The following KIAA0825 variants were observed in gnomAD, a reference collection of about 807,000 sequenced individuals.
KIAA0825 encodes the protein uncharacterized protein KIAA0825.
KIAA0825 carries 119 observed loss-of-function variants against 147.6 expected under a neutral mutation model. The observed-to-expected ratio is 0.81, with a 90% CI of 0.69 to 0.94. The LOEUF is 0.94. KIAA0825 is among the 40% of genes least tolerant of loss of function. The pLI is 0.00. For synonymous variants in KIAA0825, 470 were observed against 518.1 expected, an observed-to-expected ratio of 0.91 and a Z score of 1.26; for missense variants, 1,381 against 1,472.7, an observed-to-expected ratio of 0.94 and a Z score of 1.02.
At chr5:94,237,830 T>C (rs1340269048) in intron 20 of KIAA0825, among the ~76,000 whole-genome samples, 1 of 152,176 alleles carries the variant, frequency 6.6e-6, no homozygotes, top group Admixed American at 6.6e-5. Flanking sequence ...CAAAAGTGAA[T>C]GTCCTAAGTA....
intron 20 of KIAA0825, among the ~76,000 whole-genome samples, chr5:94,190,066 T>A (rs1205886648): frequency 6.6e-6 from 1 of 152,228 alleles, no homozygotes; most frequent in African/African-American, 2.4e-5. Flanking sequence ...AGTTTAAAAA[T>A]TTTTATTATT....
intron 20 of KIAA0825, among the ~76,000 whole-genome samples, chr5:94,210,661 C>G (rs1345295935): frequency 6.6e-6 from 1 of 152,120 alleles, no homozygotes; most frequent in Non-Finnish European, 1.5e-5. Flanking sequence ...TAAAAATGAG[C>G]TTGCTTTAAA....
At chr5:94,239,009 T>C (rs1400325542) in intron 20 of KIAA0825, among the ~76,000 whole-genome samples, 1 of 152,232 alleles carries the variant, frequency 6.6e-6, no homozygotes, top group Non-Finnish European at 1.5e-5. Context: ...CTTTGTCATC[T>C]AAGTTCTGAA....
chr5:94,443,336 T>G (rs932955458), intron 13 of KIAA0825, among the ~76,000 whole-genome samples: 2 of 145,430 alleles, frequency 1.4e-5, no homozygotes, highest in African/African-American at 5.0e-5. Flanking sequence ...AAGGGAAATT[T>G]TATATATATA....
At position 94,403,751 on chromosome 5, in the gene KIAA0825, A is replaced by G. The variant is rs1751688848; in HGVS notation, c.2705T>C (p.Leu902Ser). ...GATGGCATCGGTCAGTGCCAGTCTCAAGCATCGGATGACCTCTAGCTCGTA... is the reference window on the plus strand; with the variant it reads ...GATGGCATCGGTCAGTGCCAGTCTCGAGCATCGGATGACCTCTAGCTCGTA... ...VEYELEVIRCLRLALTDAIKD... is the reference protein window; with the variant it reads ...VEYELEVIRCSRLALTDAIKD... The change falls in exon 16 of 21, where the codon TTG (leucine) becomes TCG (serine). Residue 902 changes from leucine to serine, a missense_variant. Transcript: ENST00000682413. 6.4e-7 allele frequency: 1 copy of G among 1,551,436 alleles called. No individual in the cohort carries two copies. Among genetic ancestry groups the G allele is most frequent in the African/African-American group, 1.4e-5 (1 of 73,040 alleles).
chr5:94,221,855 C>G (rs148617235), intron 20 of KIAA0825, among the ~76,000 whole-genome samples: 48 of 152,272 alleles, frequency 3.2e-4, no homozygotes, highest in African/African-American at 1.1e-3. Context: ...TCTATTTTCT[C>G]TCTCAGTAAG....
At chr5:94,317,353 A>G (rs940844806) in intron 20 of KIAA0825, among the ~76,000 whole-genome samples, 1 of 151,920 alleles carries the variant, frequency 6.6e-6, no homozygotes, top group Admixed American at 6.6e-5. Flanking sequence ...TTGAAAATAC[A>G]AAGCATGAAG....
At chr5:94,282,531 C>A (rs1344883299) in intron 20 of KIAA0825, among the ~76,000 whole-genome samples, 1 of 152,000 alleles carries the variant, frequency 6.6e-6, no homozygotes, top group African/African-American at 2.4e-5. Flanking sequence ...AGTAAGGTAT[C>A]ACCACAAATA....
At chr5:94,224,860 CT>C (rs1427652167) in intron 20 of KIAA0825, among the ~76,000 whole-genome samples, 1 of 152,128 alleles carries the variant, frequency 6.6e-6, no homozygotes, top group Non-Finnish European at 1.5e-5. Flanking sequence ...CAAAAAGCAG[CT>C]TCTTTCTTCT....
At chr5:94,347,515 G>A (rs1476837029) in intron 20 of KIAA0825, among the ~76,000 whole-genome samples, 4 of 152,198 alleles carry the variant, frequency 2.6e-5, no homozygotes, top group Admixed American at 2.6e-4. Flanking sequence ...TTGGTGCTGG[G>A]AAGACTCGCT....
intron 20 of KIAA0825, among the ~76,000 whole-genome samples, chr5:94,181,327 A>G (rs1015256434): frequency 7.2e-5 from 11 of 152,210 alleles, no homozygotes; most frequent in African/African-American, 2.7e-4. Context: ...CTCTACAACA[A>G]GAATTACAAA....
At chr5:94,383,629 T>A (rs1249888137) in intron 20 of KIAA0825, among the ~76,000 whole-genome samples, 1 of 152,188 alleles carries the variant, frequency 6.6e-6, no homozygotes, top group Non-Finnish European at 1.5e-5. Flanking sequence ...AAAATCCAAA[T>A]TTTTAAAGTT....
chr5:94,506,970 T>C (rs149721187), intron 5 of KIAA0825, among the ~76,000 whole-genome samples: 1 of 152,126 alleles, frequency 6.6e-6, no homozygotes, highest in Non-Finnish European at 1.5e-5. Context: ...TATATGTGCA[T>C]AGAACTCGTA....
At chr5:94,473,805 TA>T (rs1431426391) in intron 7 of KIAA0825, among the ~76,000 whole-genome samples, 1 of 152,220 alleles carries the variant, frequency 6.6e-6, no homozygotes, top group Non-Finnish European at 1.5e-5. Flanking sequence ...TATAGTTCAA[TA>T]AAGCCATCTT....
At chr5:94,507,207 T>C (rs1349749622) in intron 5 of KIAA0825, among the ~76,000 whole-genome samples, 1 of 152,186 alleles carries the variant, frequency 6.6e-6, no homozygotes, top group Non-Finnish European at 1.5e-5. Flanking sequence ...CCCAGCACTT[T>C]GGAAGGCCAA....
intron 20 of KIAA0825, among the ~76,000 whole-genome samples, chr5:94,185,873 A>G (rs1238194051): frequency 6.6e-6 from 1 of 152,224 alleles, no homozygotes; most frequent in Non-Finnish European, 1.5e-5. Flanking sequence ...GTTTTCTAGT[A>G]TAGAAAATGG....
chr5:94,520,321 G>C lies in KIAA0825; in HGVS notation c.897C>G (p.Phe299Leu). ...KFLENFCELQ[F>L]RENAVRVVKT... ...TAACCACACGAACAGCATTTTCTCT[G>C]AACTGCAGCTCACAAAAATTTTCAA... is the stretch of plus-strand genomic sequence containing the variant. The change falls in exon 5 of 21, where the codon TTC (phenylalanine) becomes TTG (leucine). Residue 299 changes from phenylalanine to leucine, a missense_variant. Physicochemically the swap from Phe to Leu is conservative, Grantham distance 22. Transcript: ENST00000682413. The C allele has an allele frequency of 6.2e-7, 1 of 1,613,490 alleles. No individual in the cohort carries two copies. The highest frequency in any genetic ancestry group is 8.5e-7 in the Non-Finnish European group (1 of 1,179,544).
chr5:94,580,298 AG>A (rs1561346837), intron 2 of KIAA0825, among the ~76,000 whole-genome samples: 1 of 152,150 alleles, frequency 6.6e-6, no homozygotes, highest in Non-Finnish European at 1.5e-5. Context: ...AGCAAGAAAA[AG>A]TCAATAAATA....
Position 94,520,587 on chromosome 5 carries a change from T to G in KIAA0825, c.631A>C (p.Lys211Gln). ...FLYPESEVII[K>Q]YQNIQNKLLA... ...AGTTTATTCTGTATGTTTTGGTATT[T>G]GATTATAACTTCTGATTCTGGATAA... The change falls in exon 5 of 21, where the codon AAA becomes CAA. Residue 211 changes from lysine to glutamine, a missense_variant. Physicochemically the swap from Lys to Gln is moderately conservative, Grantham distance 53. Transcript: ENST00000682413. The G allele has an allele frequency of 1.9e-6, 3 of 1,613,428 alleles. No individual in the cohort carries two copies. The South Asian group carries it at 3.3e-5, about 18-fold the overall frequency.
Sources: allele counts gnomAD v4.1 joint callset (sites outside exome capture counted in the v4.1 genomes callset), GRCh38; gene constraint gnomAD v4.1.1; transcripts MANE v1.5; gene names NCBI Gene and HGNC (gene_info 2026-07-23, HGNC 2026-07-21).